The following INPP4B variants were observed in gnomAD, a reference collection of about 807,000 sequenced individuals.
The protein encoded by INPP4B is inositol polyphosphate 4-phosphatase type II.
INPP4B carries 55 observed loss-of-function variants against 122.5 expected under a neutral mutation model. The observed-to-expected ratio is 0.45, with a 90% CI of 0.36 to 0.56. The LOEUF (loss-of-function observed/expected upper bound fraction) is 0.56, where lower values mean the gene tolerates loss of function less well. INPP4B is among the 20% of genes least tolerant of loss of function. The probability of loss-of-function intolerance (pLI) is 0.00; values close to 1 mark genes in which losing one functional copy is unlikely to be tolerated. For missense variants in INPP4B, 1,000 were observed against 1,097.7 expected, an observed-to-expected ratio of 0.91 and a Z score of 1.26; for synonymous variants, 403 against 388.7, an observed-to-expected ratio of 1.04 and a Z score of -0.43.
chr4:142,461,009 T>C (rs1580124422), intron 3 of INPP4B, among the ~76,000 whole-genome samples: 1 of 151,958 alleles, frequency 6.6e-6, no homozygotes, highest in Non-Finnish European at 1.5e-5. Flanking sequence ...TGAAACTCCA[T>C]CTCTACAAAA....
At chr4:142,709,486 G>A (rs1255711079) in intron 2 of INPP4B, among the ~76,000 whole-genome samples, 1 of 152,166 alleles carries the variant, frequency 6.6e-6, no homozygotes, top group African/African-American at 2.4e-5. Flanking sequence ...GGATGTGACT[G>A]TATCATGGGG....
At chr4:142,416,774 CA>C (rs1029979215) in intron 5 of INPP4B, among the ~76,000 whole-genome samples, 1 of 152,136 alleles carries the variant, frequency 6.6e-6, no homozygotes, top group Non-Finnish European at 1.5e-5. Flanking sequence ...AGGCAAAAGA[CA>C]ATCTCAATAT....
chr4:142,661,631 T>A (rs13435036), intron 2 of INPP4B, among the ~76,000 whole-genome samples: 5,287 of 152,318 alleles, frequency 0.035, 315 homozygotes, highest in African/African-American at 0.12. Flanking sequence ...AAACCCTTTT[T>A]AAAAATACAA....
At chr4:142,201,837 G>A (rs1840747854) in intron 14 of INPP4B, among the ~76,000 whole-genome samples, 1 of 151,904 alleles carries the variant, frequency 6.6e-6, no homozygotes, top group Non-Finnish European at 1.5e-5. Flanking sequence ...TATTTTTATT[G>A]TACCCTGCTC....
chr4:142,506,972 A>C (rs1824107868), intron 2 of INPP4B, among the ~76,000 whole-genome samples: 5 of 152,186 alleles, frequency 3.3e-5, no homozygotes, highest in Admixed American at 3.3e-4. Flanking sequence ...TGGTAACTTA[A>C]GAAACAGTAC....
chr4:142,086,085 T>C, intron 24 of INPP4B, 59 bp downstream of exon 24: 2 of 1,133,428 alleles, frequency 1.8e-6, no homozygotes, highest in South Asian at 2.5e-5. Flanking sequence ...AGTAGAGAAC[T>C]GATAATATTT....
intron 5 of INPP4B, among the ~76,000 whole-genome samples, chr4:142,409,710 G>C (rs1020287541): frequency 6.6e-6 from 1 of 152,112 alleles, no homozygotes; most frequent in Non-Finnish European, 1.5e-5. Flanking sequence ...TTGATTTTAG[G>C]ATTTCTCCAA....
chr4:142,339,714 C>T (rs941535156), intron 7 of INPP4B, among the ~76,000 whole-genome samples: 1 of 152,116 alleles, frequency 6.6e-6, no homozygotes, highest in Non-Finnish European at 1.5e-5. Flanking sequence ...TCTCAAGTGA[C>T]CCAATGAATG....
At chr4:142,038,161 T>A (rs1248658741) in intron 25 of INPP4B, among the ~76,000 whole-genome samples, 1 of 152,190 alleles carries the variant, frequency 6.6e-6, no homozygotes, top group Non-Finnish European at 1.5e-5. Flanking sequence ...AATTAGAATA[T>A]TAAAAGTCGA....
At chr4:142,455,404 G>A (rs1560676466) in intron 3 of INPP4B, among the ~76,000 whole-genome samples, 2 of 151,988 alleles carry the variant, frequency 1.3e-5, no homozygotes, top group South Asian at 4.1e-4. Flanking sequence ...AAATAAGTGA[G>A]AACATATGAT....
intron 15 of INPP4B, among the ~76,000 whole-genome samples, chr4:142,175,299 G>A (rs1009281518): frequency 7.9e-5 from 12 of 151,952 alleles, no homozygotes; most frequent in African/African-American, 2.9e-4. Context: ...AGCATGATCT[G>A]TTCTATTCTT....
chr4:142,205,654 T>C (rs1842310223), intron 14 of INPP4B, among the ~76,000 whole-genome samples: 1 of 152,116 alleles, frequency 6.6e-6, no homozygotes, highest in Non-Finnish European at 1.5e-5. Flanking sequence ...ATGAAATTGC[T>C]TAGAAAGATT....
intron 7 of INPP4B, among the ~76,000 whole-genome samples, chr4:142,391,597 AAAAC>A (rs533084146): frequency 1.8e-4 from 27 of 152,200 alleles, no homozygotes; most frequent in Non-Finnish European, 3.1e-4. Flanking sequence ...AAAACAAACA[AAAAC>A]AAACAAACAA....
At position 142,504,325 on chromosome 4, in the gene INPP4B, T is replaced by C. The variant is rs1368338329; in HGVS notation, c.-190-41599A>G. Among the ~76,000 whole-genome samples, 4 of 151,982 alleles carry C rather than the reference T, an allele frequency of 2.6e-5. No individual in the cohort carries two copies. In the East Asian group the frequency reaches 7.7e-4, roughly 29 times the overall value. On this transcript the variant is annotated intron_variant, in intron 2 of 25. Coordinates refer to ENST00000262992, the MANE Select transcript of INPP4B (RefSeq NM_001101669.3). ...AAATGTCACTTTATACCTAACAGACTTCCAAAAATTAAAAAAGCTCTAACA... is the reference window on the plus strand; with the variant it reads ...AAATGTCACTTTATACCTAACAGACCTCCAAAAATTAAAAAAGCTCTAACA...
At chr4:142,268,051 C>T (rs750659337) in intron 10 of INPP4B, among the ~76,000 whole-genome samples, 3 of 151,760 alleles carry the variant, frequency 2.0e-5, no homozygotes, top group Non-Finnish European at 4.4e-5. Flanking sequence ...AGGCCAGGCA[C>T]GGAGTCTCAC....
chr4:142,686,922 A>G (rs571157693), intron 2 of INPP4B, among the ~76,000 whole-genome samples: 11 of 152,240 alleles, frequency 7.2e-5, no homozygotes, highest in Admixed American at 4.6e-4. Flanking sequence ...GATAGGGGAT[A>G]GAGAACAAGA....
chr4:142,433,914 G>A (rs938310439), intron 3 of INPP4B, among the ~76,000 whole-genome samples: 7 of 151,920 alleles, frequency 4.6e-5, no homozygotes, highest in Non-Finnish European at 8.8e-5. Context: ...AGGAAATGGA[G>A]ATTAAAAGAA....
chr4:142,099,578 T>C (rs1422206059), intron 23 of INPP4B, among the ~76,000 whole-genome samples: 1 of 152,148 alleles, frequency 6.6e-6, no homozygotes, highest in Non-Finnish European at 1.5e-5. Flanking sequence ...AAGAAAATCT[T>C]TGTATCTTCT....
At chr4:142,747,993 C>T (rs560608682) in intron 1 of INPP4B, among the ~76,000 whole-genome samples, 1 of 152,084 alleles carries the variant, frequency 6.6e-6, no homozygotes, top group African/African-American at 2.4e-5. Flanking sequence ...GCACATTCTG[C>T]ACATGTACCC....
Sources: allele counts gnomAD v4.1 joint callset (sites outside exome capture counted in the v4.1 genomes callset), GRCh38; gene constraint gnomAD v4.1.1; transcripts MANE v1.5; gene names NCBI Gene and HGNC (gene_info 2026-07-23, HGNC 2026-07-21).